Variants in AGBL4 observed in about 807,000 individuals in gnomAD.
AGBL4 encodes AGBL carboxypeptidase 4.
A neutral mutation model predicts 66.4 loss-of-function variants in AGBL4; 58 were observed. The ratio of observed to expected loss-of-function variants is 0.87; its 90% CI spans 0.71 to 1.09. AGBL4 has a LOEUF of 1.09. AGBL4 is among the 50% of genes least tolerant of loss of function. AGBL4 has a pLI of 0.00. For synonymous variants in AGBL4, 234 were observed against 222.9 expected, an observed-to-expected ratio of 1.05 and a Z score of -0.44; for missense variants, 579 against 631.0, an observed-to-expected ratio of 0.92 and a Z score of 0.88.
intron 3 of AGBL4, among the ~76,000 whole-genome samples, chr1:49,546,082 T>C (rs935015325): frequency 6.6e-5 from 10 of 152,054 alleles, no homozygotes; most frequent in African/African-American, 1.9e-4. Context: ...TCTGATGCCT[T>C]TGCGTCCTCA....
chr1:48,711,663 G>T (rs170349), intron 6 of AGBL4, among the ~76,000 whole-genome samples: 148,396 of 151,280 alleles, frequency 0.98, 72,846 homozygotes, highest in East Asian at 1. Flanking sequence ...CCAGCCCACC[G>T]AGCTCCAAAG....
chr1:49,959,466 T>A (rs746670464), intron 1 of AGBL4, among the ~76,000 whole-genome samples: 3 of 151,962 alleles, frequency 2.0e-5, no homozygotes, highest in Non-Finnish European at 2.9e-5. Flanking sequence ...AGGTATGAAG[T>A]GTGAGGGGAG....
At chr1:48,666,972 T>C (rs1179959952) in intron 6 of AGBL4, among the ~76,000 whole-genome samples, 1 of 152,260 alleles carries the variant, frequency 6.6e-6, no homozygotes, top group Non-Finnish European at 1.5e-5. Context: ...AAAGGTTAAA[T>C]GACTTGCCTA....
chr1:48,528,597 C>T (rs1198837232), downstream of AGBL4, among the ~76,000 whole-genome samples: 1 of 151,964 alleles, frequency 6.6e-6, no homozygotes, highest in Non-Finnish European at 1.5e-5. Flanking sequence ...GTCCTAGTTA[C>T]TTACTGGCTG....
At chr1:48,649,938 T>C (rs1645899963) in intron 8 of AGBL4, among the ~76,000 whole-genome samples, 1 of 152,264 alleles carries the variant, frequency 6.6e-6, no homozygotes, top group Non-Finnish European at 1.5e-5. Flanking sequence ...CAATGTAATT[T>C]ACCCAAGGTC....
At chr1:49,853,767 A>G (rs908936677) in intron 1 of AGBL4, among the ~76,000 whole-genome samples, 1 of 152,146 alleles carries the variant, frequency 6.6e-6, no homozygotes, top group Non-Finnish European at 1.5e-5. Context: ...GCAAACCAAA[A>G]GTCAAGGTAA....
chr1:49,115,724 A>G (rs1645505672), intron 4 of AGBL4, among the ~76,000 whole-genome samples: 1 of 152,156 alleles, frequency 6.6e-6, no homozygotes, highest in African/African-American at 2.4e-5. Flanking sequence ...CAAAGTACAC[A>G]TGTTATTCAA....
intron 3 of AGBL4, among the ~76,000 whole-genome samples, chr1:49,612,389 A>G (rs1454546462): frequency 6.6e-6 from 1 of 152,208 alleles, no homozygotes; most frequent in African/African-American, 2.4e-5. Flanking sequence ...TTACAATTTA[A>G]AGAAAATAGT....
At chr1:49,847,335 T>A (rs1393703260) in intron 2 of AGBL4, among the ~76,000 whole-genome samples, 2 of 152,190 alleles carry the variant, frequency 1.3e-5, no homozygotes, top group Non-Finnish European at 1.5e-5. Context: ...AAACCTCTTT[T>A]GGACATTGGT....
chr1:48,934,980 ATT>A lies in AGBL4; in HGVS notation c.595-67752_595-67751del, dbSNP rs1655330982. ...TCTAGAAGTCAAACTTCTACTTCAT[ATT>A]TTCAGTCGTTCATTCATTCATTCAA... On this transcript the variant is annotated intron_variant, in intron 5 of 13. Coordinates refer to ENST00000371839, the MANE Select transcript of AGBL4 (RefSeq NM_032785.4). 1.3e-5 allele frequency among the ~76,000 whole-genome samples: 2 copies of A among 152,126 alleles called. 1 individual carries two copies. The highest frequency in any genetic ancestry group is 4.1e-4 in the South Asian group (2 of 4,820).
chr1:49,773,200 CTT>C (rs781201152), intron 2 of AGBL4, among the ~76,000 whole-genome samples: 1 of 152,108 alleles, frequency 6.6e-6, no homozygotes, highest in Non-Finnish European at 1.5e-5. Context: ...TATGATACCT[CTT>C]TGTTTGAATT....
intron 4 of AGBL4, among the ~76,000 whole-genome samples, chr1:49,080,262 C>T (rs1355723674): frequency 6.6e-6 from 1 of 152,028 alleles, no homozygotes; most frequent in South Asian, 2.1e-4. Flanking sequence ...GAGTACAAAG[C>T]TGAACTATTT....
chr1:48,851,816 T>C (rs2148809974), intron 6 of AGBL4, among the ~76,000 whole-genome samples: 1 of 151,956 alleles, frequency 6.6e-6, no homozygotes, highest in African/African-American at 2.4e-5. Flanking sequence ...TCAGCAACCA[T>C]CTGGACAGGA....
chr1:49,664,385 T>C (rs1198391625), intron 3 of AGBL4, among the ~76,000 whole-genome samples: 1 of 152,084 alleles, frequency 6.6e-6, no homozygotes, highest in East Asian at 1.9e-4. Flanking sequence ...TATATATTCT[T>C]GAATAGAACA....
At chr1:49,748,334 C>G (rs774659613) in intron 2 of AGBL4, among the ~76,000 whole-genome samples, 1 of 152,146 alleles carries the variant, frequency 6.6e-6, no homozygotes, top group Non-Finnish European at 1.5e-5. Flanking sequence ...CTTCAAAGGA[C>G]ATGAACTCAT....
chr1:48,556,302 C>G (rs1385323341), intron 11 of AGBL4, among the ~76,000 whole-genome samples: 1 of 152,124 alleles, frequency 6.6e-6, no homozygotes, highest in African/African-American at 2.4e-5. Flanking sequence ...CTCACTCCCC[C>G]ACACCTCTGA....
chr1:49,325,633 T>C (rs1488101563), intron 3 of AGBL4, among the ~76,000 whole-genome samples: 2 of 152,206 alleles, frequency 1.3e-5, no homozygotes, highest in Non-Finnish European at 1.5e-5. Context: ...AACCATATGT[T>C]GAAAGCAAAA....
chr1:48,693,576 G>A (rs1646668232), intron 6 of AGBL4, among the ~76,000 whole-genome samples: 1 of 152,190 alleles, frequency 6.6e-6, no homozygotes, highest in South Asian at 2.1e-4. Flanking sequence ...TCAGCAGGAA[G>A]CTCTCCTGAA....
At chr1:49,711,285 T>C (rs1428766634) in intron 2 of AGBL4, among the ~76,000 whole-genome samples, 1 of 152,096 alleles carries the variant, frequency 6.6e-6, no homozygotes, top group Non-Finnish European at 1.5e-5. Context: ...CACTAAGACT[T>C]GTAAATAAAT....
Sources: gnomAD v4.1 joint callset for allele counts (sites outside exome capture counted in the v4.1 genomes callset) on GRCh38, gnomAD v4.1.1 for gene constraint, MANE v1.5 for transcripts, NCBI Gene and HGNC (gene_info 2026-07-23, HGNC 2026-07-21) for gene names.